Variants in OSBPL6 observed in about 807,000 individuals in gnomAD.
The protein encoded by OSBPL6 is oxysterol binding protein like 6, also known as oxysterol-binding protein-related protein 6.
OSBPL6 carries 49 observed loss-of-function variants against 125.8 expected under a neutral mutation model. That is an observed-to-expected ratio of 0.39 (90% CI 0.31 to 0.49). OSBPL6 has a LOEUF of 0.49. OSBPL6 is among the 20% of genes least tolerant of loss of function. OSBPL6 has a pLI of 0.88. For synonymous variants in OSBPL6, 394 were observed against 391.8 expected (o/e 1.01, Z -0.07); for missense variants, 986 against 1,135.4 (o/e 0.87, Z 1.89).
intron 1 of OSBPL6, among the ~76,000 whole-genome samples, chr2:178,223,959 T>TC (rs2153972411): frequency 6.6e-6 from 1 of 152,346 alleles, no homozygotes; most frequent in South Asian, 2.1e-4. Context: ...CACTTGCCAG[T>TC]CATCTTAGGA....
At chr2:178,382,824 C>G in intron 16 of OSBPL6, 200 bp from the exon 17 acceptor site, 1 of 1,394,194 alleles carries the variant, frequency 7.2e-7, no homozygotes, top group Non-Finnish European at 9.4e-7. Context: ...TATCTAATGC[C>G]TTATTTATAA....
chr2:178,300,834 A>G (rs1686208265), intron 2 of OSBPL6, among the ~76,000 whole-genome samples: 1 of 152,230 alleles, frequency 6.6e-6, no homozygotes, highest in Non-Finnish European at 1.5e-5. Context: ...ATGGAAATAG[A>G]ACTTTAAAAG....
intron 1 of OSBPL6, among the ~76,000 whole-genome samples, chr2:178,279,702 CT>C (rs531519949): frequency 7.6e-4 from 116 of 152,302 alleles, no homozygotes; most frequent in Admixed American, 1.6e-3. Context: ...TTTGGTTATA[CT>C]TTTTGAAAGA....
rs182988347 is a variant in OSBPL6, at chr2:178,324,284, G to A, written c.195+15G>A. Reference sequence around the variant, plus strand: ...CCCTCTCCAAGGTCAGTGATGAAATGCGGTGCTTTCTCTGCTGGCATGATG... The same window carrying A: ...CCCTCTCCAAGGTCAGTGATGAAATACGGTGCTTTCTCTGCTGGCATGATG... On this transcript the variant is annotated intron_variant, in intron 4 of 24. Coordinates refer to ENST00000190611, the MANE Select transcript of OSBPL6 (RefSeq NM_032523.4). 1.6e-4 allele frequency: 245 copies of A among 1,541,342 alleles called. 1 individual carries two copies. The African/African-American group carries it at 2.9e-3, about 19-fold the overall frequency.
At chr2:178,358,387 G>A (rs1410743475) in intron 12 of OSBPL6, among the ~76,000 whole-genome samples, 19 of 152,176 alleles carry the variant, frequency 1.2e-4, no homozygotes, top group Non-Finnish European at 1.3e-4. Flanking sequence ...TATGGTATTG[G>A]CTTAAAAACA....
At chr2:178,365,885 C>CT (rs1302696710) in intron 13 of OSBPL6, among the ~76,000 whole-genome samples, 1 of 151,974 alleles carries the variant, frequency 6.6e-6, no homozygotes, top group African/African-American at 2.4e-5. Context: ...AATTTCATAT[C>CT]TTTTTTTGTT....
At chr2:178,256,154 G>A (rs902974073) in intron 1 of OSBPL6, among the ~76,000 whole-genome samples, 6 of 152,180 alleles carry the variant, frequency 3.9e-5, no homozygotes, top group Non-Finnish European at 5.9e-5. Flanking sequence ...GCAGTTCTGT[G>A]ATGAATTAGA....
chr2:178,335,060 T>C (rs946896838), intron 8 of OSBPL6, among the ~76,000 whole-genome samples: 12 of 152,160 alleles, frequency 7.9e-5, no homozygotes, highest in African/African-American at 2.9e-4. Flanking sequence ...CTAGATTTAG[T>C]CCTTGTTAAA....
chr2:178,243,256 A>G (rs1574604976), intron 1 of OSBPL6, among the ~76,000 whole-genome samples: 1 of 152,306 alleles, frequency 6.6e-6, no homozygotes, highest in South Asian at 2.1e-4. Flanking sequence ...TGACTCCTTC[A>G]AAGAAGGTAG....
chr2:178,252,929 G>A (rs940104666), intron 1 of OSBPL6, among the ~76,000 whole-genome samples: 1 of 152,066 alleles, frequency 6.6e-6, no homozygotes, highest in Admixed American at 6.5e-5. Flanking sequence ...TTGGTATAAG[G>A]GACCACTGTT....
chr2:178,265,199 T>A (rs1229644140), intron 1 of OSBPL6, among the ~76,000 whole-genome samples: 1 of 76,938 alleles, frequency 1.3e-5, no homozygotes, highest in Non-Finnish European at 2.6e-5. Flanking sequence ...GACTTTTTTT[T>A]TTTTTTTTTT....
intron 1 of OSBPL6, among the ~76,000 whole-genome samples, chr2:178,252,697 A>G (rs926727000): frequency 1.3e-5 from 2 of 152,186 alleles, no homozygotes; most frequent in African/African-American, 4.8e-5. Context: ...AAATTTAGAT[A>G]GGCAGATAGA....
chr2:178,326,110 AT>A lies in OSBPL6; in HGVS notation c.195+1857del, dbSNP rs34323656. ...CTGGGCACTGATTAGTGGTGGAAGAATTTTTTTTTTTTTTTTGAAGTACACA... is the reference window on the plus strand; with the variant it reads ...CTGGGCACTGATTAGTGGTGGAAGAATTTTTTTTTTTTTTTGAAGTACACA... On this transcript the variant is annotated intron_variant, in intron 4 of 24. Transcript: ENST00000190611. Among the ~76,000 whole-genome samples the A allele has an allele frequency of 3.0e-3, 431 of 143,954 alleles. 1 individual carries two copies. Among genetic ancestry groups the A allele is most frequent in the East Asian group, 7.0e-3 (34 of 4,884 alleles). The allele number at this position is 143,954 out of a possible 152,430, so 94.4% of individuals were successfully genotyped here.
At chr2:178,207,130 T>C (rs551624162) in intron 1 of OSBPL6, among the ~76,000 whole-genome samples, 3 of 152,306 alleles carry the variant, frequency 2.0e-5, no homozygotes, top group African/African-American at 7.2e-5. Context: ...TGGGTGCACC[T>C]GTGAGTGCTG....
intron 1 of OSBPL6, among the ~76,000 whole-genome samples, chr2:178,276,258 C>T (rs929515464): frequency 6.6e-6 from 1 of 151,998 alleles, no homozygotes; most frequent in Non-Finnish European, 1.5e-5. Context: ...TTAAGCTTTC[C>T]CTGAAGTTTT....
intron 1 of OSBPL6, among the ~76,000 whole-genome samples, chr2:178,274,860 C>T (rs971834737): frequency 2.0e-5 from 3 of 152,090 alleles, no homozygotes; most frequent in African/African-American, 7.2e-5. Flanking sequence ...AGATTGTACC[C>T]TGCTGAGCAG....
intron 1 of OSBPL6, among the ~76,000 whole-genome samples, chr2:178,284,681 A>G (rs1684534906): frequency 6.6e-6 from 1 of 152,182 alleles, no homozygotes; most frequent in African/African-American, 2.4e-5. Flanking sequence ...GAGTTTTCAT[A>G]CTCCAAGCTC....
chr2:178,319,672 A>G (rs1030984888), intron 3 of OSBPL6, among the ~76,000 whole-genome samples: 1 of 152,240 alleles, frequency 6.6e-6, no homozygotes, highest in Non-Finnish European at 1.5e-5. Context: ...TGTAAAAACC[A>G]GTAACTATTA....
chr2:178,324,335 G>A, intron 4 of OSBPL6, 66 bp downstream of exon 4: 2 of 1,225,200 alleles, frequency 1.6e-6, no homozygotes, highest in South Asian at 2.8e-5. Flanking sequence ...ATTGAACTGT[G>A]AATAACGTTT....
Sources: gnomAD v4.1 joint callset for allele counts (sites outside exome capture counted in the v4.1 genomes callset) on GRCh38, gnomAD v4.1.1 for gene constraint, MANE v1.5 for transcripts, NCBI Gene and HGNC (gene_info 2026-07-23, HGNC 2026-07-21) for gene names.